ATXN8OS: variants seen among roughly 807,000 people sequenced by gnomAD.
ATXN8OS encodes the protein ATXN8 opposite strand (non-protein coding).
chr13:70,118,532 C>T (rs1299597385), intron 2 of ATXN8OS, among the ~76,000 whole-genome samples: 2 of 151,820 alleles, frequency 1.3e-5, no homozygotes, highest in African/African-American at 2.4e-5. Flanking sequence ...GCCATATATA[C>T]ATATATGCAT....
chr13:70,142,389 G>T (rs977889891), intron 3 of ATXN8OS, among the ~76,000 whole-genome samples: 1 of 152,126 alleles, frequency 6.6e-6, no homozygotes, highest in African/African-American at 2.4e-5. Flanking sequence ...CTTTAAAGGG[G>T]TAGAGATTGT....
At chr13:70,112,920 A>ATATATTTTTTTTTTTTT (rs1555298511) in intron 1 of ATXN8OS, among the ~76,000 whole-genome samples, 12 of 87,590 alleles carry the variant, frequency 1.4e-4, no homozygotes, top group Non-Finnish European at 2.2e-4. Context: ...TATATATATA[A>ATATATTTTTTTTTTTTT]TTTTTTTTTT....
chr13:70,167,430 T>C (rs1287244047), intron 4 of ATXN8OS, among the ~76,000 whole-genome samples: 2 of 151,932 alleles, frequency 1.3e-5, no homozygotes, highest in Non-Finnish European at 2.9e-5. Flanking sequence ...AAACACCACA[T>C]GTTCTCACTC....
intron 4 of ATXN8OS, among the ~76,000 whole-genome samples, chr13:70,167,747 T>TTG (rs1251489968): frequency 2.1e-5 from 3 of 145,342 alleles, no homozygotes; most frequent in East Asian, 4.0e-4. Flanking sequence ...TTTTTTTTTT[T>TTG]TTGAGACAGA....
intron 3 of ATXN8OS, chr13:70,139,521 TAAGAA>T: frequency 4.0e-6 from 2 of 505,020 alleles, no homozygotes; most frequent in Non-Finnish European, 7.0e-6. Context: ...ATCTCTTACT[TAAGAA>T]TTTATGAATA....
chr13:70,155,696 T>C (rs1436126920), intron 4 of ATXN8OS, among the ~76,000 whole-genome samples: 2 of 152,242 alleles, frequency 1.3e-5, no homozygotes, highest in East Asian at 3.9e-4. Context: ...GCAGAACCTA[T>C]TTCATAGTCA....
intron 2 of ATXN8OS, among the ~76,000 whole-genome samples, chr13:70,122,168 C>T (rs1330225232): frequency 6.6e-6 from 1 of 151,820 alleles, no homozygotes. Context: ...ACCTATATTG[C>T]CAATATAGGA....
chr13:70,123,713 A>G (rs1168854043), intron 2 of ATXN8OS, among the ~76,000 whole-genome samples: 1 of 152,184 alleles, frequency 6.6e-6, no homozygotes, highest in Non-Finnish European at 1.5e-5. Context: ...AAAAATACAT[A>G]TCAAAAAGAG....
At chr13:70,122,867 T>C (rs887366056) in intron 2 of ATXN8OS, among the ~76,000 whole-genome samples, 1 of 152,034 alleles carries the variant, frequency 6.6e-6, no homozygotes, top group Non-Finnish European at 1.5e-5. Context: ...GATCTTACTC[T>C]GAAAGCAACC....
At chr13:70,118,622 A>C (rs1454160041) in intron 2 of ATXN8OS, among the ~76,000 whole-genome samples, 2 of 152,130 alleles carry the variant, frequency 1.3e-5, no homozygotes, top group Non-Finnish European at 2.9e-5. Flanking sequence ...GTTTCAAAGA[A>C]ACAGGCTATC....
At chr13:70,163,835 C>A (rs966028634) in intron 4 of ATXN8OS, among the ~76,000 whole-genome samples, 14 of 150,378 alleles carry the variant, frequency 9.3e-5, no homozygotes, top group Non-Finnish European at 1.9e-4. Flanking sequence ...TTATCTCTTG[C>A]AGTCCACCAC....
intron 4 of ATXN8OS, among the ~76,000 whole-genome samples, chr13:70,157,144 G>A (rs150067800): frequency 4.1e-4 from 62 of 151,986 alleles, no homozygotes; most frequent in South Asian, 8.3e-4. Context: ...TTAAAGGCTC[G>A]TAACAACATT....
chr13:70,107,671 T>C (rs1219749503), upstream of ATXN8OS: 1 of 1,533,414 alleles, frequency 6.5e-7, no homozygotes, highest in Non-Finnish European at 8.7e-7. Flanking sequence ...GTGCTTCACA[T>C]CGAAGTCTTT....
chr13:70,117,471 TG>T (rs1213441937), intron 2 of ATXN8OS, among the ~76,000 whole-genome samples: 3 of 152,138 alleles, frequency 2.0e-5, no homozygotes, highest in Admixed American at 1.3e-4. Context: ...CTATGGGCAG[TG>T]CAAGAAGTCA....
intron 4 of ATXN8OS, among the ~76,000 whole-genome samples, chr13:70,152,363 A>G (rs990299197): frequency 1.3e-5 from 2 of 151,924 alleles, no homozygotes; most frequent in Non-Finnish European, 2.9e-5. Flanking sequence ...GTGTGTGTAT[A>G]TATACATATA....
chr13:70,135,044 G>A (rs1888592742), intron 3 of ATXN8OS, among the ~76,000 whole-genome samples: 1 of 152,178 alleles, frequency 6.6e-6, no homozygotes, highest in African/African-American at 2.4e-5. Context: ...AAGACTGCAA[G>A]GACGAGACTA....
chr13:70,148,915 C>A (rs1395856113), intron 4 of ATXN8OS, among the ~76,000 whole-genome samples: 3 of 152,070 alleles, frequency 2.0e-5, no homozygotes, highest in Non-Finnish European at 2.9e-5. Context: ...GTCTCAAATG[C>A]AAGTTGGAAT....
intron 3 of ATXN8OS, among the ~76,000 whole-genome samples, chr13:70,140,533 C>CACAAAAAA (rs71196274): frequency 1.5e-5 from 2 of 133,038 alleles, no homozygotes; most frequent in African/African-American, 2.9e-5. Flanking sequence ...CACACACACA[C>CACAAAAAA]AAAAAAAAAA....
At chr13:70,124,702 C>T (rs925043309) in intron 2 of ATXN8OS, among the ~76,000 whole-genome samples, 7 of 151,832 alleles carry the variant, frequency 4.6e-5, no homozygotes, top group Admixed American at 6.6e-5. Flanking sequence ...TTTTTTTCCC[C>T]GGAAATCTGG....
Sources: allele counts gnomAD v4.1 joint callset (sites outside exome capture counted in the v4.1 genomes callset), GRCh38; gene constraint gnomAD v4.1.1; transcripts MANE v1.5; gene names NCBI Gene and HGNC (gene_info 2026-07-23, HGNC 2026-07-21).